Variants in SETD9 observed in about 807,000 individuals in gnomAD.
SETD9 encodes the protein SET domain containing 9.
SETD9 carries 37 observed loss-of-function variants against 36.4 expected under a neutral mutation model. The ratio of observed to expected loss-of-function variants is 1.02; its 90% CI spans 0.78 to 1.34. SETD9 has a LOEUF of 1.34. Ranked by LOEUF, SETD9 falls within the 40% of genes most tolerant of loss-of-function variation. The pLI, the probability that SETD9 is intolerant of heterozygous loss-of-function variation, is 0.00. For missense variants in SETD9, 323 were observed against 353.2 expected, an observed-to-expected ratio of 0.91 and a Z score of 0.69; for synonymous variants, 128 against 132.9, an observed-to-expected ratio of 0.96 and a Z score of 0.26.
intron 5 of SETD9, among the ~76,000 whole-genome samples, 182 bp downstream of exon 5, chr5:56,915,148 T>C (rs1184378270): frequency 1.3e-5 from 2 of 152,214 alleles, no homozygotes; most frequent in Admixed American, 6.5e-5. Context: ...AAATTTTCCT[T>C]TAAACTAGCT....
downstream of SETD9, among the ~76,000 whole-genome samples, chr5:56,925,692 C>T (rs570591765): frequency 7.2e-5 from 11 of 152,220 alleles, no homozygotes; most frequent in South Asian, 2.1e-4. Context: ...CTTGATCTAC[C>T]GATTTAGCAC....
At chr5:56,909,307 CTCGGGGGCGGGT>C (rs1241379333), upstream of SETD9, 1 of 220,856 alleles carries the variant, frequency 4.5e-6, no homozygotes, top group Non-Finnish European at 8.9e-6. Flanking sequence ...GGGACGCGGT[CTCGGGGGCGGGT>C]TCGCCCCTGA....
At chr5:56,912,295 A>C in intron 2 of SETD9, 1 of 876,608 alleles carries the variant, frequency 1.1e-6, no homozygotes, top group Non-Finnish European at 1.4e-6. Context: ...ATTAACTAGA[A>C]TGCTAAATAG....
At chr5:56,921,958 T>G (rs1309550009), downstream of SETD9, 2 of 152,652 alleles carry the variant, frequency 1.3e-5, no homozygotes, top group Non-Finnish European at 2.9e-5. Context: ...AAACTGAGTT[T>G]GAGATACATC....
At chr5:56,919,824 G>A (rs1749583632), downstream of SETD9, 1 of 152,492 alleles carries the variant, frequency 6.6e-6, no homozygotes, top group Admixed American at 6.5e-5. Flanking sequence ...GGAATCACTG[G>A]TCATCTAAGA....
downstream of SETD9, among the ~76,000 whole-genome samples, chr5:56,927,340 G>A (rs1750042657): frequency 6.6e-6 from 1 of 152,046 alleles, no homozygotes; most frequent in African/African-American, 2.4e-5. Flanking sequence ...TATAGGAGTG[G>A]AAGGGACATA....
chr5:56,910,168 G>T (rs1331978947), intron 1 of SETD9: 1 of 1,228,096 alleles, frequency 8.1e-7, no homozygotes, highest in Non-Finnish European at 1.0e-6. Flanking sequence ...TAAAAAGACT[G>T]CCCTTACCGC....
At position 56,911,433 on chromosome 5, in the gene SETD9, T is replaced by C. The variant is rs2292248; in HGVS notation, c.363T>C (p.Gly121=). Residue 121 remains glycine (G), a synonymous_variant, in exon 2 of 6, where the codon GGT becomes GGC. Coordinates refer to ENST00000285947, the MANE Select transcript of SETD9 (RefSeq NM_153706.4). ...AAGAAATTCTTTACAAGACTTTGGG[T>C]TTCAGTGTTGCCCAAGCAACTAGCT... ...KPEEILYKTL[G]FSVAQATSSL... is the part of the protein sequence containing the mutation. The C allele has an allele frequency of 3.8e-4, 610 of 1,613,376 alleles. 14 individuals are homozygous for C. The East Asian group carries it at 0.014, about 36-fold the overall frequency.
chr5:56,915,035 G>C, intron 5 of SETD9, 69 bp downstream of exon 5: 1 of 1,193,246 alleles, frequency 8.4e-7, no homozygotes, highest in African/African-American at 1.6e-5. Flanking sequence ...AGAAGAAAAA[G>C]CTATGTAGAA....
At chr5:56,910,112 C>G in intron 1 of SETD9, 3 of 1,241,930 alleles carry the variant, frequency 2.4e-6, no homozygotes, top group Non-Finnish European at 3.1e-6. Context: ...CTGTTGCGTT[C>G]GGCACTGACT....
At chr5:56,923,928 GATGGTT>G in intron 5 of SETD9, 1 of 1,614,074 alleles carries the variant, frequency 6.2e-7, no homozygotes, top group Non-Finnish European at 8.5e-7. Flanking sequence ...ACTCCAGGGT[GATGGTT>G]ATATCTTTTT....
intron 5 of SETD9, chr5:56,923,001 A>G: frequency 2.9e-6 from 2 of 692,638 alleles, no homozygotes; most frequent in Non-Finnish European, 4.8e-6. Context: ...ATATAGTTCT[A>G]TACATACTGA....
chr5:56,920,458 A>C (rs534728486), downstream of SETD9: 44 of 152,700 alleles, frequency 2.9e-4, no homozygotes, highest in African/African-American at 1.1e-3. Context: ...GGAAAAAAAA[A>C]CAAAAAGAAT....
At chr5:56,910,993 G>T in intron 1 of SETD9, 176 bp from the exon 2 acceptor site, 1 of 568,562 alleles carries the variant, frequency 1.8e-6, no homozygotes, top group Non-Finnish European at 2.8e-6. Context: ...GGGAAGTGTT[G>T]GGAGTTAGCT....
rs1049952916 is a variant in SETD9, at chr5:56,912,990, CTTT to C, written c.467-20_467-18del. 1 of 1,606,682 alleles carries C rather than the reference CTTT, an allele frequency of 6.2e-7. No homozygotes were observed. Among genetic ancestry groups the C allele is most frequent in the Non-Finnish European group, 8.5e-7 (1 of 1,176,506 alleles). ...GATTTTTCATGTTGTTATCATATTT[CTTT>C]GTCTTGTTGTGTAATAGGTACAGTA... On this transcript the variant is annotated intron_variant, in intron 2 of 5. Transcript: ENST00000285947.
At chr5:56,924,808 G>A (rs1749880670) in intron 5 of SETD9, among the ~76,000 whole-genome samples, 1 of 152,144 alleles carries the variant, frequency 6.6e-6, no homozygotes, top group Non-Finnish European at 1.5e-5. Flanking sequence ...TTTCTCCCTT[G>A]CTTAATCAGT....
intron 1 of SETD9, 47 bp downstream of exon 1, chr5:56,909,790 C>T (rs1195066115): frequency 1.3e-6 from 2 of 1,547,546 alleles, no homozygotes; most frequent in Admixed American, 3.5e-5. Flanking sequence ...CTTCGGTTCC[C>T]AGACGCCACC....
intron 5 of SETD9, chr5:56,923,236 G>A: frequency 6.2e-7 from 1 of 1,614,114 alleles, no homozygotes; most frequent in Non-Finnish European, 8.5e-7. Flanking sequence ...CAGCCATTTT[G>A]GCACTGGTGA....
At chr5:56,909,579 C>G (rs1199328827), upstream of SETD9, 3 of 1,320,632 alleles carry the variant, frequency 2.3e-6, no homozygotes, top group Admixed American at 5.7e-5. Flanking sequence ...CCTCCCGGGC[C>G]GGGGCGGGCC....
Sources: gnomAD v4.1 joint callset for allele counts (sites outside exome capture counted in the v4.1 genomes callset) on GRCh38, gnomAD v4.1.1 for gene constraint, MANE v1.5 for transcripts, NCBI Gene and HGNC (gene_info 2026-07-23, HGNC 2026-07-21) for gene names.